SLC44A5: variants seen among roughly 807,000 people sequenced by gnomAD.
SLC44A5 encodes solute carrier family 44 member 5, also known as choline transporter-like protein 5.
In SLC44A5, 57 loss-of-function variants were observed where a neutral mutation model predicts 101.8. That is an observed-to-expected ratio of 0.56 (90% confidence interval 0.45 to 0.70). The LOEUF (loss-of-function observed/expected upper bound fraction) is 0.70. Among genes scored for constraint, SLC44A5 ranks in the 30% least tolerant of loss-of-function variants. The pLI is 0.00. For synonymous variants in SLC44A5, 281 were observed against 290.9 expected (o/e 0.97, Z 0.35); for missense variants, 737 against 853.1 (o/e 0.86, Z 1.70).
At chr1:75,620,343 T>C in the SLC44A5 span, among the ~76,000 whole-genome samples, 1 of 152,204 alleles carries the variant, frequency 6.6e-6, no homozygotes, top group South Asian at 2.1e-4. Flanking sequence ...TTTGGGTATA[T>C]ACCCAGTAAT....
upstream of SLC44A5, among the ~76,000 whole-genome samples, chr1:75,614,101 A>G (rs772323221): frequency 5.9e-5 from 9 of 152,230 alleles, no homozygotes; most frequent in Admixed American, 2.6e-4. Context: ...CTGAAAACCA[A>G]TCCTTCTGTT....
At chr1:75,548,141 C>T (rs955094912) in intron 1 of SLC44A5, among the ~76,000 whole-genome samples, 34 of 152,130 alleles carry the variant, frequency 2.2e-4, no homozygotes, top group Admixed American at 2.2e-3. Flanking sequence ...AGTCTCCTCA[C>T]ATCTCTAGTT....
chr1:75,537,883 A>G (rs1671141950), intron 2 of SLC44A5: 1 of 152,220 alleles, frequency 6.6e-6, no homozygotes, highest in Non-Finnish European at 1.5e-5. Context: ...ATAAAGAATA[A>G]TTTCTTTCTT....
At chr1:75,302,129 T>TTTTTTTTTTTTG in intron 4 of SLC44A5, among the ~76,000 whole-genome samples, 1 of 141,714 alleles carries the variant, frequency 7.1e-6, no homozygotes, top group Non-Finnish European at 1.5e-5. Context: ...TTTTTTTTTT[T>TTTTTTTTTTTTG]TTTTTTTGGT....
At chr1:75,247,147 A>C (rs1005815844) in intron 7 of SLC44A5, among the ~76,000 whole-genome samples, 15 of 152,178 alleles carry the variant, frequency 9.9e-5, no homozygotes, top group African/African-American at 3.6e-4. Flanking sequence ...CCTTGAACTA[A>C]TCTAAAAAAG....
intron 4 of SLC44A5, among the ~76,000 whole-genome samples, chr1:75,315,415 A>G (rs1655616557): frequency 2.0e-5 from 3 of 152,164 alleles, no homozygotes; most frequent in Non-Finnish European, 2.9e-5. Context: ...ACCACAATAT[A>G]TGGTATAATT....
chr1:75,519,753 TAAC>T (rs1379547800), intron 2 of SLC44A5, among the ~76,000 whole-genome samples: 4 of 152,236 alleles, frequency 2.6e-5, no homozygotes, highest in African/African-American at 9.6e-5. Context: ...TCTTATCATT[TAAC>T]AACAACTCTC....
chr1:75,324,823 T>G (rs1355872288), intron 4 of SLC44A5, among the ~76,000 whole-genome samples: 1 of 152,194 alleles, frequency 6.6e-6, no homozygotes, highest in African/African-American at 2.4e-5. Context: ...GCTCCATGGT[T>G]TTAAAAATGT....
At chr1:75,537,034 A>AAAAAAAAG (rs1553199990) in intron 2 of SLC44A5, among the ~76,000 whole-genome samples, 2,780 of 18,570 alleles carry the variant, frequency 0.15, 258 homozygotes, top group Non-Finnish European at 0.3. Flanking sequence ...AAAAAAAAAA[A>AAAAAAAAG]TATATATCTA....
intron 4 of SLC44A5, among the ~76,000 whole-genome samples, chr1:75,319,022 T>C (rs559918961): frequency 5.3e-5 from 8 of 152,220 alleles, no homozygotes; most frequent in South Asian, 2.1e-4. Context: ...TTCAGAGATA[T>C]GTGCTTAGTT....
At chr1:75,658,341 G>T in the SLC44A5 span, among the ~76,000 whole-genome samples, 1 of 152,078 alleles carries the variant, frequency 6.6e-6, no homozygotes, top group African/African-American at 2.4e-5. Flanking sequence ...CTACCAAGTA[G>T]CTGGGACTAT....
At chr1:75,604,459 T>A (rs1675200546) in intron 1 of SLC44A5, among the ~76,000 whole-genome samples, 1 of 152,172 alleles carries the variant, frequency 6.6e-6, no homozygotes. Context: ...TGCTTCTGGC[T>A]TTGTTCTTTT....
At chr1:75,287,366 G>A (rs1420014777) in intron 5 of SLC44A5, among the ~76,000 whole-genome samples, 1 of 136,214 alleles carries the variant, frequency 7.3e-6, no homozygotes, top group Non-Finnish European at 1.6e-5. Flanking sequence ...ATTTCTGTAA[G>A]TTGGTATTCA....
chr1:75,704,964 C>G, the SLC44A5 span, among the ~76,000 whole-genome samples: 1 of 152,090 alleles, frequency 6.6e-6, no homozygotes, highest in African/African-American at 2.4e-5. Context: ...TCCTAGTTTG[C>G]TGAGATTCTT....
rs532421858 is a variant in SLC44A5, at chr1:75,515,374, A to T, written c.13+26061T>A. Among the ~76,000 whole-genome samples, 3 of 152,308 alleles carry T rather than the reference A, an allele frequency of 2.0e-5. No individual in the cohort carries two copies. The South Asian group carries it at 6.2e-4, about 32-fold the overall frequency. Reference sequence around the variant, plus strand: ...AATGCTGCATGATAGATGTCAAAAAAAAAAGCAAGCATATTTCTCTTGTCT... The same window carrying T: ...AATGCTGCATGATAGATGTCAAAAATAAAAGCAAGCATATTTCTCTTGTCT... On this transcript the variant is annotated intron_variant, in intron 2 of 23. Transcript: ENST00000370859.
intron 1 of SLC44A5, among the ~76,000 whole-genome samples, chr1:75,596,291 G>T (rs1674630927): frequency 6.6e-6 from 1 of 151,848 alleles, no homozygotes; most frequent in African/African-American, 2.4e-5. Context: ...CTGAAATTGA[G>T]GCAGTAATAA....
In SLC44A5 at chr1:75,238,548, C is replaced by G. The variant is rs1181132180; in HGVS notation, c.621G>C (p.Gly207=). The G allele has an allele frequency of 1.2e-6, 2 of 1,601,942 alleles. No individual in the cohort carries two copies. Among genetic ancestry groups the G allele is most frequent in the South Asian group, 2.2e-5 (2 of 89,238 alleles). Residue 207 remains glycine (G), a synonymous_variant, in exon 10 of 24, where the codon GGG becomes GGC. Coordinates refer to ENST00000370859, the MANE Select transcript of SLC44A5 (RefSeq NM_001130058.2). ...SKMMFQDGNG[G]TRSVVELGIA... ...TCCCGAGTTCTACAACACTTCTTGT[C>G]CCTCCATTTCCATCTTGAAACATCA...
chr1:75,521,822 T>C (rs1474994513), intron 2 of SLC44A5: 3 of 153,382 alleles, frequency 2.0e-5, no homozygotes, highest in African/African-American at 7.3e-5. Flanking sequence ...CTAATGAGAG[T>C]ATTGGGACAG....
chr1:75,443,171 A>C (rs1329338338), intron 2 of SLC44A5, among the ~76,000 whole-genome samples: 1 of 152,196 alleles, frequency 6.6e-6, no homozygotes, highest in Non-Finnish European at 1.5e-5. Flanking sequence ...CTAAACCTGT[A>C]GCCTTACATG....
Sources: gnomAD v4.1 joint callset for allele counts (sites outside exome capture counted in the v4.1 genomes callset) on GRCh38, gnomAD v4.1.1 for gene constraint, MANE v1.5 for transcripts, NCBI Gene and HGNC (gene_info 2026-07-23, HGNC 2026-07-21) for gene names.